The following KRTAP13-1 variants were observed in gnomAD, a reference collection of about 807,000 sequenced individuals.
The protein encoded by KRTAP13-1 is keratin-associated protein 13-1.
For synonymous variants in KRTAP13-1, 104 were observed against 85.3 expected, an observed-to-expected ratio of 1.22 and a Z score of -1.21; for missense variants, 200 against 204.8, an observed-to-expected ratio of 0.98 and a Z score of 0.14.
At position 30,396,656 on chromosome 21, in the gene KRTAP13-1, C is replaced by T; in HGVS notation, c.*51C>T. 1 of 1,491,322 alleles carries T rather than the reference C, an allele frequency of 6.7e-7. No homozygotes were observed. Among genetic ancestry groups the T allele is most frequent in the Non-Finnish European group, 9.2e-7 (1 of 1,083,634 alleles). 92.4% of individuals were successfully genotyped at this position (1,491,322 alleles called of 1,614,324 possible). A position where few individuals can be genotyped will look rare whatever the true frequency, so the allele number is the denominator to read the frequency against. ...TTGGCTAATGCCTTCAATGCCTCTA[C>T]TCATAACCTTTATTGTCTTCATCAT... On this transcript the variant is annotated 3_prime_UTR_variant, in exon 1 of 1. Transcript: ENST00000355459.
chr21:30,396,595 T>G lies in KRTAP13-1; in HGVS notation c.509T>G (p.Phe170Cys). The G allele has an allele frequency of 6.2e-7, 1 of 1,613,618 alleles. No individual in the cohort carries two copies. Among genetic ancestry groups the G allele is most frequent in the Non-Finnish European group, 8.5e-7 (1 of 1,179,798 alleles). ...SCYRPTCGSGFYY is the reference protein window; with the variant it reads ...SCYRPTCGSGCYY ...TACAGACCAACTTGTGGATCAGGCTTCTACTATTGATCATCTTGTTAAATT... is the reference window on the plus strand; with the variant it reads ...TACAGACCAACTTGTGGATCAGGCTGCTACTATTGATCATCTTGTTAAATT... The change falls in exon 1 of 1, where the codon TTC becomes TGC. Residue 170 changes from phenylalanine to cysteine, a missense_variant. Transcript: ENST00000355459.
chr21:30,396,308 C>A lies in KRTAP13-1; in HGVS notation c.222C>A (p.Ser74Arg). 6.2e-7 allele frequency: 1 copy of A among 1,614,218 alleles called. No individual in the cohort carries two copies. Among genetic ancestry groups the A allele is most frequent in the Admixed American group, 1.7e-5 (1 of 60,018 alleles). ...TSCQTSYVES[S>R]PCQTSCYRPR... ...GCCAGACATCCTATGTGGAGTCCAGCCCCTGCCAGACCTCCTGCTACCGTC... is the reference window on the plus strand; with the variant it reads ...GCCAGACATCCTATGTGGAGTCCAGACCCTGCCAGACCTCCTGCTACCGTC... Residue 74 changes from serine (S) to arginine (R), a missense_variant, in exon 1 of 1, where the codon AGC becomes AGA. Transcript: ENST00000355459.
Position 30,396,408 on chromosome 21 carries a change from C to T in KRTAP13-1, c.322C>T (p.Arg108Cys), listed in dbSNP as rs1179458505. The T allele has an allele frequency of 7.4e-6, 12 of 1,614,060 alleles. No homozygotes were observed. Among genetic ancestry groups the T allele is most frequent in the Middle Eastern group, 3.3e-4 (2 of 6,084 alleles). The part of the protein sequence containing the change: ...GSLGFGSSSC[R>C]SLGYGSRSCY... ...TCTAGGCTTTGGATCCAGCAGCTGCCGCTCCCTGGGCTATGGATCGAGGAG... is the reference window on the plus strand; with the variant it reads ...TCTAGGCTTTGGATCCAGCAGCTGCTGCTCCCTGGGCTATGGATCGAGGAG... Residue 108 changes from arginine to cysteine, a missense_variant, in exon 1 of 1, where the codon CGC becomes TGC. Coordinates refer to ENST00000355459, the MANE Select transcript of KRTAP13-1 (RefSeq NM_181599.3).
Position 30,396,594 on chromosome 21 carries a change from T to G in KRTAP13-1, c.508T>G (p.Phe170Val). The G allele has an allele frequency of 1.2e-6, 2 of 1,613,750 alleles. No individual in the cohort carries two copies. Among genetic ancestry groups the G allele is most frequent in the Non-Finnish European group, 1.7e-6 (2 of 1,179,848 alleles). The change falls in exon 1 of 1, where the codon TTC becomes GTC. Residue 170 changes from phenylalanine (F) to valine (V), a missense_variant. Phe to Val is a conservative substitution (Grantham distance 50). Transcript: ENST00000355459. The part of the protein sequence containing the change: ...SCYRPTCGSG[F>V]YY ...CTACAGACCAACTTGTGGATCAGGCTTCTACTATTGATCATCTTGTTAAAT... is the reference window on the plus strand; with the variant it reads ...CTACAGACCAACTTGTGGATCAGGCGTCTACTATTGATCATCTTGTTAAAT...
At position 30,396,167 on chromosome 21, in the gene KRTAP13-1, C is replaced by T; in HGVS notation, c.81C>T (p.Gly27=). ...TGCACTACCCAGCCTCCTCCTGTGGCTTTTCCTACCCCAGCAACCAGGTCT... is the reference window on the plus strand; with the variant it reads ...TGCACTACCCAGCCTCCTCCTGTGGTTTTTCCTACCCCAGCAACCAGGTCT... ...GYLHYPASSC[G]FSYPSNQVYS... Residue 27 remains glycine, a synonymous_variant, in exon 1 of 1, where the codon GGC becomes GGT. Coordinates refer to ENST00000355459, the MANE Select transcript of KRTAP13-1 (RefSeq NM_181599.3). The T allele has an allele frequency of 6.2e-7, 1 of 1,614,200 alleles. No individual in the cohort carries two copies. Among genetic ancestry groups the T allele is most frequent in the Non-Finnish European group, 8.5e-7 (1 of 1,180,032 alleles).
rs1983533774 is a variant in KRTAP13-1, at chr21:30,396,691, G to T, written c.*86G>T. The T allele has an allele frequency of 8.2e-7, 1 of 1,226,622 alleles. No homozygotes were observed. 76.0% of individuals were successfully genotyped at this position (1,226,622 alleles called of 1,614,324 possible). On this transcript the variant is annotated 3_prime_UTR_variant, in exon 1 of 1. Transcript: ENST00000355459. ...TTATTGTCTTCATCATGTACAGAAA[G>T]AATTAGCCTCTTATTCTATAATTAT...
In KRTAP13-1 at chr21:30,396,379, G is replaced by A. The variant is rs1304903373; in HGVS notation, c.293G>A (p.Gly98Glu). 2 of 1,614,054 alleles carry A rather than the reference G, an allele frequency of 1.2e-6. No individual in the cohort carries two copies. Among genetic ancestry groups the A allele is most frequent in the African/African-American group, 2.7e-5 (2 of 74,910 alleles). ...LCSPCQTTYS[G>E]SLGFGSSSCR... The stretch of plus-strand genomic sequence containing the variant: ...AGTCCCTGCCAGACAACTTACTCTG[G>A]GTCTCTAGGCTTTGGATCCAGCAGC... Residue 98 changes from glycine (G) to glutamate (E), a missense_variant, in exon 1 of 1, where the codon GGG (glycine) becomes GAG (glutamate). Gly to Glu is a moderately conservative substitution (Grantham distance 98). Transcript: ENST00000355459.
Position 30,396,298 on chromosome 21 carries a change from T to A in KRTAP13-1, c.212T>A (p.Val71Glu). The change falls in exon 1 of 1, where the codon GTG becomes GAG. Residue 71 changes from valine (V) to glutamate (E), a missense_variant. Transcript: ENST00000355459. ...WEPTSCQTSY[V>E]ESSPCQTSCY... ...CCCACCAGCTGCCAGACATCCTATGTGGAGTCCAGCCCCTGCCAGACCTCC... is the reference window on the plus strand; with the variant it reads ...CCCACCAGCTGCCAGACATCCTATGAGGAGTCCAGCCCCTGCCAGACCTCC... 2 of 1,614,220 alleles carry A rather than the reference T, an allele frequency of 1.2e-6. No individual in the cohort carries two copies. Among genetic ancestry groups the A allele is most frequent in the Non-Finnish European group, 1.7e-6 (2 of 1,180,026 alleles).
Position 30,396,381 on chromosome 21 carries a change from T to C in KRTAP13-1, c.295T>C (p.Ser99Pro), listed in dbSNP as rs768557364. The change falls in exon 1 of 1, where the codon TCT becomes CCT. Residue 99 changes from serine (S) to proline (P), a missense_variant. Ser to Pro is a moderately conservative substitution (Grantham distance 74). Transcript: ENST00000355459. ...CSPCQTTYSG[S>P]LGFGSSSCRS... ...TCCCTGCCAGACAACTTACTCTGGG[T>C]CTCTAGGCTTTGGATCCAGCAGCTG... 6.2e-7 allele frequency: 1 copy of C among 1,614,082 alleles called. No individual in the cohort carries two copies. The highest frequency in any genetic ancestry group is 1.1e-5 in the South Asian group (1 of 91,078).
rs1313537024 is a variant in KRTAP13-1, at chr21:30,396,663, C to G, written c.*58C>G. 1 of 1,432,630 alleles carries G rather than the reference C, an allele frequency of 7.0e-7. No homozygotes were observed. The highest frequency in any genetic ancestry group is 2.3e-5 in the East Asian group (1 of 43,866). The allele number at this position is 1,432,630 out of a possible 1,614,324, so 88.7% of individuals were successfully genotyped here. A position where few individuals can be genotyped will look rare whatever the true frequency, so the allele number is the denominator to read the frequency against. The stretch of plus-strand genomic sequence containing the variant: ...ATGCCTTCAATGCCTCTACTCATAA[C>G]CTTTATTGTCTTCATCATGTACAGA... On this transcript the variant is annotated 3_prime_UTR_variant, in exon 1 of 1. Coordinates refer to ENST00000355459, the MANE Select transcript of KRTAP13-1 (RefSeq NM_181599.3).
chr21:30,396,630 G>T lies in KRTAP13-1; in HGVS notation c.*25G>T. On this transcript the variant is annotated 3_prime_UTR_variant, in exon 1 of 1. Coordinates refer to ENST00000355459, the MANE Select transcript of KRTAP13-1 (RefSeq NM_181599.3). The stretch of plus-strand genomic sequence containing the variant: ...ATCATCTTGTTAAATTGCTGATTTT[G>T]TTGGCTAATGCCTTCAATGCCTCTA... 6.2e-7 allele frequency: 1 copy of T among 1,606,982 alleles called. No individual in the cohort carries two copies. The highest frequency in any genetic ancestry group is 2.2e-5 in the East Asian group (1 of 44,838).
At position 30,396,652 on chromosome 21, in the gene KRTAP13-1, T is replaced by C. The variant is rs777970462; in HGVS notation, c.*47T>C. ...TTTGTTGGCTAATGCCTTCAATGCCTCTACTCATAACCTTTATTGTCTTCA... is the reference window on the plus strand; with the variant it reads ...TTTGTTGGCTAATGCCTTCAATGCCCCTACTCATAACCTTTATTGTCTTCA... On this transcript the variant is annotated 3_prime_UTR_variant, in exon 1 of 1. Transcript: ENST00000355459. 1 of 1,524,538 alleles carries C rather than the reference T, an allele frequency of 6.6e-7. No individual in the cohort carries two copies. The highest frequency in any genetic ancestry group is 1.7e-5 in the Admixed American group (1 of 57,464). The allele number at this position is 1,524,538 out of a possible 1,614,324, so 94.4% of individuals were successfully genotyped here.
Position 30,396,187 on chromosome 21 carries a change from A to T in KRTAP13-1, c.101A>T (p.Gln34Leu), listed in dbSNP as rs370876980. The T allele has an allele frequency of 6.0e-4, 964 of 1,613,862 alleles. 16 individuals are homozygous for T. The South Asian group carries it at 9.4e-3, about 16-fold the overall frequency. ...SSCGFSYPSN[Q>L]VYSTDLCSPS... The stretch of plus-strand genomic sequence containing the variant: ...TGTGGCTTTTCCTACCCCAGCAACC[A>T]GGTCTACAGCACTGACCTCTGCTCT... The change falls in exon 1 of 1, where the codon CAG becomes CTG. Residue 34 changes from glutamine to leucine, a missense_variant. Gln to Leu is a moderately radical substitution (Grantham distance 113). Transcript: ENST00000355459.
Position 30,396,131 on chromosome 21 carries a change from T to C in KRTAP13-1, c.45T>C (p.Cys15=). The C allele has an allele frequency of 6.2e-7, 1 of 1,613,978 alleles. No homozygotes were observed. Among genetic ancestry groups the C allele is most frequent in the Middle Eastern group, 1.7e-4 (1 of 6,060 alleles). ...CCSGNFSSRS[C]GGYLHYPASS... is the part of the protein sequence containing the mutation. ...CTGGAAACTTCTCCTCCCGCTCCTG[T>C]GGTGGCTACCTGCACTACCCAGCCT... The change falls in exon 1 of 1, where the codon TGT becomes TGC. Residue 15 remains cysteine (C), a synonymous_variant. Transcript: ENST00000355459.
the KRTAP13-1 span, chr21:30,396,589 C>G: frequency 1.2e-6 from 2 of 1,613,884 alleles, no homozygotes; most frequent in Non-Finnish European, 8.5e-7. Flanking sequence ...ACTTGTGGAT[C>G]AGGCTTCTAC....
Position 30,396,598 on chromosome 21 carries a change from A to G in KRTAP13-1, c.512A>G (p.Tyr171Cys). ...AGACCAACTTGTGGATCAGGCTTCT[A>G]CTATTGATCATCTTGTTAAATTGCT... ...CYRPTCGSGF[Y>C]Y is the part of the protein sequence containing the mutation. Residue 171 changes from tyrosine (Y) to cysteine (C), a missense_variant, in exon 1 of 1, where the codon TAC (tyrosine) becomes TGC (cysteine). Tyr to Cys is a radical substitution (Grantham distance 194). Coordinates refer to ENST00000355459, the MANE Select transcript of KRTAP13-1 (RefSeq NM_181599.3). 1 of 1,613,166 alleles carries G rather than the reference A, an allele frequency of 6.2e-7. No homozygotes were observed.
rs1413042581 is a variant in KRTAP13-1 at position 30,396,066 on chromosome 21, G to A, written c.-21G>A. 3 of 1,595,118 alleles carry A rather than the reference G, an allele frequency of 1.9e-6. No homozygotes were observed. The highest frequency in any genetic ancestry group is 1.1e-5 in the South Asian group (1 of 87,744). On this transcript the variant is annotated 5_prime_UTR_variant, in exon 1 of 1. Coordinates refer to ENST00000355459, the MANE Select transcript of KRTAP13-1 (RefSeq NM_181599.3). ...AGAATCTTCTCAGTGTAACTCAGCT[G>A]AACTCACATCTCCCATCAACATGTC...
chr21:30,396,610 C>G lies in KRTAP13-1; in HGVS notation c.*5C>G, dbSNP rs763542279. ...GGATCAGGCTTCTACTATTGATCAT[C>G]TTGTTAAATTGCTGATTTTGTTGGC... On this transcript the variant is annotated 3_prime_UTR_variant, in exon 1 of 1. Coordinates refer to ENST00000355459, the MANE Select transcript of KRTAP13-1 (RefSeq NM_181599.3). 2 of 1,611,814 alleles carry G rather than the reference C, an allele frequency of 1.2e-6. No individual in the cohort carries two copies. The highest frequency in any genetic ancestry group is 1.7e-6 in the Non-Finnish European group (2 of 1,178,892).
rs758377299 is a variant in KRTAP13-1, at chr21:30,396,322, C to G, written c.236C>G (p.Ser79Cys). The change falls in exon 1 of 1, where the codon TCC becomes TGC. Residue 79 changes from serine to cysteine, a missense_variant. Physicochemically the swap from Ser to Cys is moderately radical, Grantham distance 112. Coordinates refer to ENST00000355459, the MANE Select transcript of KRTAP13-1 (RefSeq NM_181599.3). The part of the protein sequence containing the change: ...SYVESSPCQT[S>C]CYRPRTSLLC... ...GTGGAGTCCAGCCCCTGCCAGACCT[C>G]CTGCTACCGTCCCAGAACCTCCTTG... 1.2e-6 allele frequency: 2 copies of G among 1,614,116 alleles called. No individual in the cohort carries two copies. Among genetic ancestry groups the G allele is most frequent in the African/African-American group, 2.7e-5 (2 of 74,944 alleles).
Sources: gnomAD v4.1 joint callset for allele counts on GRCh38, gnomAD v4.1.1 for gene constraint, MANE v1.5 for transcripts, NCBI Gene and HGNC (gene_info 2026-07-23, HGNC 2026-07-21) for gene names.